The following ELL variants were observed in gnomAD, a reference collection of about 807,000 sequenced individuals.
The protein encoded by ELL is RNA polymerase II elongation factor ELL.
In ELL, 18 loss-of-function variants were observed where a neutral mutation model predicts 64.0. That is an observed-to-expected ratio of 0.28 (90% CI 0.19 to 0.42). ELL has a LOEUF of 0.42. Ranked by LOEUF, ELL falls within the 10% of genes least tolerant of loss-of-function variation. The pLI is 1.00. For missense variants in ELL, 797 were observed against 870.4 expected (o/e 0.92, Z 1.06); for synonymous variants, 399 against 376.2 (o/e 1.06, Z -0.70).
At chr19:18,474,725 C>T (rs1474857445) in intron 1 of ELL, among the ~76,000 whole-genome samples, 1 of 152,216 alleles carries the variant, frequency 6.6e-6, no homozygotes, top group Non-Finnish European at 1.5e-5. Context: ...TAGCCCTGTA[C>T]CCCAAAACAC....
intron 1 of ELL, among the ~76,000 whole-genome samples, chr19:18,483,055 A>AT (rs1023247478): frequency 6.6e-6 from 1 of 152,136 alleles, no homozygotes; most frequent in African/African-American, 2.4e-5. Context: ...TGCTGGGATT[A>AT]TAAGCGTGAG....
chr19:18,486,393 C>T (rs1031750999), intron 1 of ELL, among the ~76,000 whole-genome samples: 1 of 152,208 alleles, frequency 6.6e-6, no homozygotes, highest in Non-Finnish European at 1.5e-5. Context: ...AGTGGGGGTG[C>T]GGTCCTGGGA....
chr19:18,493,526 G>A (rs1975577738), intron 1 of ELL, among the ~76,000 whole-genome samples: 1 of 152,266 alleles, frequency 6.6e-6, no homozygotes, highest in African/African-American at 2.4e-5. Flanking sequence ...GCACTTGGGA[G>A]GAGAGAGTGA....
intron 6 of ELL, among the ~76,000 whole-genome samples, chr19:18,453,749 G>A (rs1974591603): frequency 6.6e-6 from 1 of 152,112 alleles, no homozygotes; most frequent in South Asian, 2.1e-4. Flanking sequence ...GTAGAGATGA[G>A]GGTCTCACTA....
At position 18,445,271 on chromosome 19, in the gene ELL, A is replaced by G. The variant is rs781082193; in HGVS notation, c.1705-3T>C. ...TGCAAAATCTGCCCTCGAGTAGTCTAGAAGAAAAACAAAATTTTGAGAAAA... is the reference window on the plus strand; with the variant it reads ...TGCAAAATCTGCCCTCGAGTAGTCTGGAAGAAAAACAAAATTTTGAGAAAA... On this transcript the variant is annotated splice_region_variant and splice_polypyrimidine_tract_variant and intron_variant, in intron 10 of 11. Transcript: ENST00000262809. 1 of 1,613,620 alleles carries G rather than the reference A, an allele frequency of 6.2e-7. No individual in the cohort carries two copies. Among genetic ancestry groups the G allele is most frequent in the Non-Finnish European group, 8.5e-7 (1 of 1,179,790 alleles).
intron 1 of ELL, chr19:18,475,833 G>C (rs1975163264): frequency 6.6e-6 from 1 of 152,200 alleles, no homozygotes; most frequent in South Asian, 2.1e-4. Flanking sequence ...CGTTTTACAG[G>C]ATGTTCGCTA....
chr19:18,473,977 C>T (rs1192564491), intron 1 of ELL, among the ~76,000 whole-genome samples: 1 of 152,254 alleles, frequency 6.6e-6, no homozygotes, highest in East Asian at 1.9e-4. Flanking sequence ...GAGGGCAAAG[C>T]ACTACTTGAG....
At chr19:18,505,926 G>GT (rs777619636) in intron 1 of ELL, among the ~76,000 whole-genome samples, 3 of 152,144 alleles carry the variant, frequency 2.0e-5, no homozygotes, top group Non-Finnish European at 4.4e-5. Flanking sequence ...GTACAGTCAG[G>GT]TACCCCCACC....
At chr19:18,459,515 G>A (rs1427969379) in intron 5 of ELL, among the ~76,000 whole-genome samples, 2 of 151,886 alleles carry the variant, frequency 1.3e-5, no homozygotes, top group Admixed American at 6.6e-5. Context: ...GTATCCCATG[G>A]GGAGCATTTT....
At position 18,443,055 on chromosome 19, in the gene ELL, C is replaced by T; in HGVS notation, c.*1697G>A. 4.3e-6 allele frequency: 1 copy of T among 232,496 alleles called. No homozygotes were observed. The highest frequency in any genetic ancestry group is 6.1e-5 in the East Asian group (1 of 16,500). 14.4% of individuals were successfully genotyped at this position (232,496 alleles called of 1,614,324 possible). On this transcript the variant is annotated 3_prime_UTR_variant, in exon 12 of 12. Transcript: ENST00000262809. ...AACTGACAGCCCCTTGGACTGGTTC[C>T]CAGGGCAGAGGGGCGGGCAGTCCCG...
chr19:18,474,363 A>T (rs988692507), intron 1 of ELL, among the ~76,000 whole-genome samples: 4 of 152,240 alleles, frequency 2.6e-5, no homozygotes, highest in African/African-American at 9.6e-5. Flanking sequence ...ACTTTGGTCT[A>T]CCAGGAGCCC....
intron 6 of ELL, 102 bp from the exon 7 acceptor site, chr19:18,451,750 G>C: frequency 1.1e-6 from 1 of 928,268 alleles, no homozygotes; most frequent in Non-Finnish European, 1.5e-6. Context: ...TCAAGGAAGG[G>C]ACCCCCCTCC....
rs748692522 is a variant in ELL at position 18,450,678 on chromosome 19, T to C, written c.1264A>G (p.Thr422Ala). Residue 422 changes from threonine (T) to alanine (A), a missense_variant, in exon 8 of 12, where the codon ACT becomes GCT. Physicochemically the swap from Thr to Ala is moderately conservative, Grantham distance 58 (BLOSUM62 0). Transcript: ENST00000262809. ...AGCAGGGGCAGGCCGAGGCGCACAGTGGGGGCTGGGGCAGCCGCCTCTCCG... is the reference window on the plus strand; with the variant it reads ...AGCAGGGGCAGGCCGAGGCGCACAGCGGGGGCTGGGGCAGCCGCCTCTCCG... ...EHGEAAAPAP[T>A]VRLGLPLLTD... The C allele has an allele frequency of 4.4e-6, 7 of 1,582,518 alleles. No individual in the cohort carries two copies. The highest frequency in any genetic ancestry group is 5.1e-6 in the Non-Finnish European group (6 of 1,165,154).
At chr19:18,509,291 C>T (rs1309516043) in intron 1 of ELL, among the ~76,000 whole-genome samples, 1 of 152,012 alleles carries the variant, frequency 6.6e-6, no homozygotes, top group Non-Finnish European at 1.5e-5. Context: ...GCTACAAGAT[C>T]CACAGCAGGA....
chr19:18,455,606 G>A (rs753816037), intron 6 of ELL, among the ~76,000 whole-genome samples: 2 of 152,120 alleles, frequency 1.3e-5, no homozygotes, highest in South Asian at 4.2e-4. Flanking sequence ...AGTGCTTTGG[G>A]TGGCTGAGGC....
chr19:18,446,638 CAT>C lies in ELL; in HGVS notation c.1532+108_1532+109del, dbSNP rs1974423406. ...AAGAGGCTGCTATGTTTGGAATTCA[CAT>C]ACTCAGACTTGCAGTGGCTTCTACC... On this transcript the variant is annotated intron_variant, in intron 9 of 11. Transcript: ENST00000262809. 2.0e-6 allele frequency: 3 copies of C among 1,506,570 alleles called. No homozygotes were observed. The Admixed American group carries it at 5.9e-5, about 30-fold the overall frequency. 93.3% of individuals were successfully genotyped at this position (1,506,570 alleles called of 1,614,324 possible). A position where few individuals can be genotyped will look rare whatever the true frequency, so the allele number is the denominator to read the frequency against.
chr19:18,446,863 C>G, intron 8 of ELL, 49 bp from the exon 9 acceptor site: 18 of 1,602,452 alleles, frequency 1.1e-5, no homozygotes, highest in African/African-American at 1.3e-5. Context: ...TGGCACCGGT[C>G]GGCAGGAAGC....
At chr19:18,512,154 CA>C (rs35682497) in intron 1 of ELL, among the ~76,000 whole-genome samples, 65 of 134,400 alleles carry the variant, frequency 4.8e-4, no homozygotes, top group Non-Finnish European at 4.5e-4. Flanking sequence ...GACTCCGTCT[CA>C]AAAAAAAAAA....
rs1283108614 is a variant in ELL at position 18,465,408 on chromosome 19, T to C, written c.469+4A>G. ...CCTACAGCCCTGCCAAACCCACTGC[T>C]CACCCAGGTAGCGGCCTCCAGCCTT... On this transcript the variant is annotated splice_donor_region_variant and intron_variant, in intron 4 of 11. Coordinates refer to ENST00000262809, the MANE Select transcript of ELL (RefSeq NM_006532.4). 4 of 1,591,450 alleles carry C rather than the reference T, an allele frequency of 2.5e-6. No individual in the cohort carries two copies. The highest frequency in any genetic ancestry group is 3.4e-6 in the Non-Finnish European group (4 of 1,165,028).
Sources: allele counts gnomAD v4.1 joint callset (sites outside exome capture counted in the v4.1 genomes callset), GRCh38; gene constraint gnomAD v4.1.1; transcripts MANE v1.5; gene names NCBI Gene and HGNC (gene_info 2026-07-23, HGNC 2026-07-21).